CAMKK1: variants seen among roughly 807,000 people sequenced by gnomAD.
CAMKK1 encodes the protein calcium/calmodulin dependent protein kinase kinase 1.
In CAMKK1, 20 loss-of-function variants were observed where a neutral mutation model predicts 63.5. That is an observed-to-expected ratio of 0.32 (90% CI 0.22 to 0.46). CAMKK1 has a LOEUF of 0.46. Ranked by LOEUF, CAMKK1 falls within the 20% of genes least tolerant of loss-of-function variation. The pLI, the probability that CAMKK1 is intolerant of heterozygous loss-of-function variation, is 1.00. For missense variants in CAMKK1, 588 were observed against 658.1 expected (o/e 0.89, Z 1.17); for synonymous variants, 253 against 269.0 (o/e 0.94, Z 0.58).
In CAMKK1 at chr17:3,883,500, A is replaced by T; in HGVS notation, c.463-20T>A. On this transcript the variant is annotated intron_variant, in intron 4 of 15. Transcript: ENST00000348335. The surrounding 1 kb of genome is among the most constrained non-coding windows in gnomAD (Gnocchi z 4.7). ...CATTGCCTAAGGAAGGAGGGACAGA[A>T]ATGTCACTACTGTGCAGCCACCAGG... The T allele has an allele frequency of 6.2e-7, 1 of 1,605,554 alleles. No individual in the cohort carries two copies. The highest frequency in any genetic ancestry group is 8.5e-7 in the Non-Finnish European group (1 of 1,172,234).
chr17:3,891,036 C>G (rs1229265658), intron 1 of CAMKK1, among the ~76,000 whole-genome samples: 1 of 151,936 alleles, frequency 6.6e-6, no homozygotes, highest in South Asian at 2.1e-4. Context: ...ATAGTTCTCC[C>G]AGACCTGGCC....
At chr17:3,872,396 C>T (rs2054927527) in intron 12 of CAMKK1, among the ~76,000 whole-genome samples, 158 bp downstream of exon 12, 2 of 152,170 alleles carry the variant, frequency 1.3e-5, no homozygotes, top group African/African-American at 4.8e-5. Flanking sequence ...CTCCAGAGTC[C>T]CTCCCGTCCA....
Position 3,883,199 on chromosome 17 carries a change from A to G in CAMKK1, c.515-24T>C. 1.9e-6 allele frequency: 3 copies of G among 1,606,988 alleles called. No homozygotes were observed. The highest frequency in any genetic ancestry group is 2.5e-6 in the Non-Finnish European group (3 of 1,179,492). On this transcript the variant is annotated intron_variant, in intron 5 of 15. Coordinates refer to ENST00000348335, the MANE Select transcript of CAMKK1 (RefSeq NM_032294.3). The surrounding 1 kb of genome is among the most constrained non-coding windows in gnomAD (Gnocchi z 4.7). ...ACCTGTGACCAGGAAGAGAACTCAAACACCTGTTCCAGGTGGCTGGGCCTC... is the reference window on the plus strand; with the variant it reads ...ACCTGTGACCAGGAAGAGAACTCAAGCACCTGTTCCAGGTGGCTGGGCCTC...
At chr17:3,866,227 G>A in intron 14 of CAMKK1, among the ~76,000 whole-genome samples, 1 of 152,364 alleles carries the variant, frequency 6.6e-6, no homozygotes. Context: ...GGTACATGAG[G>A]AGGGGGCCGG....
chr17:3,868,460 C>T (rs975882583), intron 14 of CAMKK1, among the ~76,000 whole-genome samples: 17 of 124,422 alleles, frequency 1.4e-4, no homozygotes, highest in African/African-American at 3.6e-4. Flanking sequence ...CTGGGGGAGA[C>T]GCAGGCGCCG....
Position 3,883,635 on chromosome 17 carries a change from G to A in CAMKK1, c.463-155C>T, listed in dbSNP as rs567919796. On this transcript the variant is annotated intron_variant, in intron 4 of 15. Transcript: ENST00000348335. This position sits in a 1 kb window ranked among gnomAD's most constrained non-coding sequence, Gnocchi z 4.7. Reference sequence around the variant, plus strand: ...TAAGTGTTAAGCGGGGTTGGGGGTGGCCATATCTGAGCCTAGCCCTTCCCC... The same window carrying A: ...TAAGTGTTAAGCGGGGTTGGGGGTGACCATATCTGAGCCTAGCCCTTCCCC... Among the ~76,000 whole-genome samples, 1 of 152,040 alleles carries A rather than the reference G, an allele frequency of 6.6e-6. No homozygotes were observed. The highest frequency in any genetic ancestry group is 2.4e-5 in the African/African-American group (1 of 41,368).
In CAMKK1 at chr17:3,890,521, A is replaced by T. The variant is rs1050945673; in HGVS notation, c.-44+2418T>A. ...GAGCAGCTCAGATCCAACAGGCCCC[A>T]GATTCAACTCAGCATCTTCCCCAAA... On this transcript the variant is annotated intron_variant, in intron 1 of 15. Transcript: ENST00000348335. The surrounding 1 kb of genome is among the most constrained non-coding windows in gnomAD (Gnocchi z 6.5). Among the ~76,000 whole-genome samples, 12 of 152,100 alleles carry T rather than the reference A, an allele frequency of 7.9e-5. No homozygotes were observed. Among genetic ancestry groups the T allele is most frequent in the Non-Finnish European group, 1.5e-4 (10 of 68,010 alleles).
At chr17:3,878,739 T>A (rs1406051957) in intron 9 of CAMKK1, 1 of 152,258 alleles carries the variant, frequency 6.6e-6, no homozygotes, top group African/African-American at 2.4e-5. Flanking sequence ...AGGGAAAGAA[T>A]ATGCTCCCAA....
At position 3,893,042 on chromosome 17, in the gene CAMKK1, A is replaced by G. The variant is rs899581482; in HGVS notation, c.-147T>C. Reference sequence around the variant, plus strand: ...CCGCCCCACCGCCTCGCTGGGGCCCAGATCGCCGAGCTCAGCCCGCGGGCG... The same window carrying G: ...CCGCCCCACCGCCTCGCTGGGGCCCGGATCGCCGAGCTCAGCCCGCGGGCG... On this transcript the variant is annotated 5_prime_UTR_variant, in exon 1 of 16. Transcript: ENST00000348335. The surrounding 1 kb of genome is among the most constrained non-coding windows in gnomAD (Gnocchi z 4.6). The G allele has an allele frequency of 2.5e-5, 3 of 122,010 alleles. No homozygotes were observed. The highest frequency in any genetic ancestry group is 2.6e-4 in the East Asian group (1 of 3,864). 7.6% of individuals were successfully genotyped at this position (122,010 alleles called of 1,614,324 possible). A position where few individuals can be genotyped will look rare whatever the true frequency, so the allele number is the denominator to read the frequency against.
chr17:3,882,468 C>T lies in CAMKK1; in HGVS notation c.685+60G>A, dbSNP rs1212383454. 5 of 1,596,658 alleles carry T rather than the reference C, an allele frequency of 3.1e-6. No homozygotes were observed. Among genetic ancestry groups the T allele is most frequent in the Non-Finnish European group, 4.3e-6 (5 of 1,167,350 alleles). Reference sequence around the variant, plus strand: ...GCCCACCTGAAGGTCATACATGTCCCAAGGGAGCCCTTGGGCCAGCCCTGA... The same window carrying T: ...GCCCACCTGAAGGTCATACATGTCCTAAGGGAGCCCTTGGGCCAGCCCTGA... On this transcript the variant is annotated intron_variant, in intron 7 of 15. Transcript: ENST00000348335. This position sits in a 1 kb window ranked among gnomAD's most constrained non-coding sequence, Gnocchi z 4.3.
chr17:3,870,458 C>T (rs1314731850), intron 12 of CAMKK1, among the ~76,000 whole-genome samples: 3 of 152,178 alleles, frequency 2.0e-5, no homozygotes, highest in East Asian at 3.9e-4. Context: ...CTCCGCCTCC[C>T]AGGTTCATGC....
Position 3,869,624 on chromosome 17 carries a change from GC to G in CAMKK1, c.1213-10del, listed in dbSNP as rs1230143626. 1.2e-6 allele frequency: 2 copies of G among 1,614,144 alleles called. No homozygotes were observed. Among genetic ancestry groups the G allele is most frequent in the Admixed American group, 3.3e-5 (2 of 60,030 alleles). The stretch of plus-strand genomic sequence containing the variant: ...GTCACCCAAGGGTGCAACTGTCGGG[GC>G]CGGGAGGGCAGGGAGAGGGGGAGAG... On this transcript the variant is annotated splice_polypyrimidine_tract_variant and intron_variant, in intron 13 of 15. Transcript: ENST00000348335.
rs368347160 is a variant in CAMKK1 at position 3,885,650 on chromosome 17, C to T, written c.38G>A (p.Arg13Gln). 20 of 1,613,580 alleles carry T rather than the reference C, an allele frequency of 1.2e-5. No homozygotes were observed. Among genetic ancestry groups the T allele is most frequent in the African/African-American group, 1.1e-4 (8 of 74,924 alleles). Residue 13 changes from arginine to glutamine, a missense_variant, in exon 2 of 16, where the codon CGG becomes CAG. Arg to Gln is a conservative substitution (Grantham distance 43). Coordinates refer to ENST00000348335, the MANE Select transcript of CAMKK1 (RefSeq NM_032294.3). ...TGCCACCCGTTCTACCAGCTCTGCC[C>T]GAGGATCCTGGCAGCAGACAGCTGG... ...GGPAVCCQDP[R>Q]AELVERVAAI...
rs944061308 is a variant in CAMKK1, at chr17:3,889,981, T to C, written c.-44+2958A>G. 6.6e-6 allele frequency among the ~76,000 whole-genome samples: 1 copy of C among 152,152 alleles called. No individual in the cohort carries two copies. The highest frequency in any genetic ancestry group is 2.4e-5 in the African/African-American group (1 of 41,424). On this transcript the variant is annotated intron_variant, in intron 1 of 15. Transcript: ENST00000348335. The surrounding 1 kb of genome is among the most constrained non-coding windows in gnomAD (Gnocchi z 5.2). ...GCTGGAAGGCCGCTGTGAACCCCAG[T>C]GCCAAGCCGAGGCAGGGGACCAGCT...
At chr17:3,876,172 C>A in intron 10 of CAMKK1, 51 bp downstream of exon 10, 2 of 1,555,594 alleles carry the variant, frequency 1.3e-6, no homozygotes, top group Admixed American at 3.6e-5. Context: ...CTGCGGCAAG[C>A]TATTACGCCC....
At position 3,890,330 on chromosome 17, in the gene CAMKK1, C is replaced by T. The variant is rs1567640610; in HGVS notation, c.-44+2609G>A. Among the ~76,000 whole-genome samples the T allele has an allele frequency of 6.6e-6, 1 of 152,302 alleles. No individual in the cohort carries two copies. The highest frequency in any genetic ancestry group is 2.1e-4 in the South Asian group (1 of 4,832). Reference sequence around the variant, plus strand: ...GGGAGCCCCCAAGCACCAATACGGGCTGTTGCCTGACTCAGCACAGCTACC... The same window carrying T: ...GGGAGCCCCCAAGCACCAATACGGGTTGTTGCCTGACTCAGCACAGCTACC... On this transcript the variant is annotated intron_variant, in intron 1 of 15. Coordinates refer to ENST00000348335, the MANE Select transcript of CAMKK1 (RefSeq NM_032294.3). The surrounding 1 kb of genome is among the most constrained non-coding windows in gnomAD (Gnocchi z 6.5).
chr17:3,864,295 G>A (rs749812436), intron 15 of CAMKK1, among the ~76,000 whole-genome samples: 1 of 151,648 alleles, frequency 6.6e-6, no homozygotes, highest in Non-Finnish European at 1.5e-5. Context: ...CGCCCAGGCT[G>A]GAGTGCAGTG....
In CAMKK1 at chr17:3,883,183, C is replaced by G; in HGVS notation, c.515-8G>C. 1 of 1,608,886 alleles carries G rather than the reference C, an allele frequency of 6.2e-7. No individual in the cohort carries two copies. Among genetic ancestry groups the G allele is most frequent in the Non-Finnish European group, 8.5e-7 (1 of 1,179,904 alleles). On this transcript the variant is annotated splice_region_variant and splice_polypyrimidine_tract_variant and intron_variant, in intron 5 of 15. Transcript: ENST00000348335. The surrounding 1 kb of genome is among the most constrained non-coding windows in gnomAD (Gnocchi z 4.7). ...CTCTCGGGGGAGGGCGACCTGTGAC[C>G]AGGAAGAGAACTCAAACACCTGTTC...
At chr17:3,869,969 C>T (rs374184718) in intron 12 of CAMKK1, 81 bp from the exon 13 acceptor site, 26 of 1,161,272 alleles carry the variant, frequency 2.2e-5, no homozygotes, top group Non-Finnish European at 2.7e-5. Context: ...CCGAAACCTT[C>T]GTCCCTCGGA....
Sources: gnomAD v4.1 joint callset for allele counts (sites outside exome capture counted in the v4.1 genomes callset) on GRCh38, gnomAD v4.1.1 for gene constraint, Gnocchi (gnomAD v3.1) non-coding constraint, MANE v1.5 for transcripts, NCBI Gene and HGNC (gene_info 2026-07-23, HGNC 2026-07-21) for gene names.